Variants in USP15 observed in about 807,000 individuals in gnomAD.
The protein encoded by USP15 is ubiquitin carboxyl-terminal hydrolase 15.
A neutral mutation model predicts 127.1 loss-of-function variants in USP15; 18 were observed. The ratio of observed to expected loss-of-function variants is 0.14; its 90% CI spans 0.10 to 0.21. The LOEUF (loss-of-function observed/expected upper bound fraction) is 0.21. USP15 is among the 10% of genes least tolerant of loss of function. The pLI is 1.00. For missense variants in USP15, 805 were observed against 1,159.9 expected (o/e 0.69, Z 4.44); for synonymous variants, 364 against 393.7 (o/e 0.92, Z 0.89).
At chr12:62,330,304 TGGGGCTGG>T (rs2065251655) in intron 6 of USP15, among the ~76,000 whole-genome samples, 1 of 148,080 alleles carries the variant, frequency 6.8e-6, no homozygotes, top group South Asian at 2.2e-4. Context: ...AAAAAACAAA[TGGGGCTGG>T]GCACAGTGGC....
At chr12:62,329,799 G>A (rs1055412755) in intron 6 of USP15, among the ~76,000 whole-genome samples, 1 of 152,184 alleles carries the variant, frequency 6.6e-6, no homozygotes, top group African/African-American at 2.4e-5. Flanking sequence ...CAAGTATTGG[G>A]TATGGTGTAG....
At chr12:62,398,158 T>C (rs1198461382) in intron 20 of USP15, among the ~76,000 whole-genome samples, 1 of 151,646 alleles carries the variant, frequency 6.6e-6, no homozygotes, top group Non-Finnish European at 1.5e-5. Context: ...ACCCAGCTAA[T>C]TTTTTTGTAT....
intron 8 of USP15, 71 bp from the exon 9 acceptor site, chr12:62,381,419 T>C: frequency 7.5e-7 from 1 of 1,325,196 alleles, no homozygotes; most frequent in Non-Finnish European, 1.0e-6. Context: ...GTTTCTCTCT[T>C]CATATTAATG....
intron 4 of USP15, among the ~76,000 whole-genome samples, chr12:62,319,551 CT>C (rs1411549622): frequency 6.6e-6 from 1 of 152,124 alleles, no homozygotes; most frequent in African/African-American, 2.4e-5. Context: ...CCTTTATAGT[CT>C]CATTTCTACC....
At chr12:62,377,994 G>A (rs886141450) in intron 8 of USP15, among the ~76,000 whole-genome samples, 5 of 152,004 alleles carry the variant, frequency 3.3e-5, no homozygotes, top group South Asian at 2.1e-4. Flanking sequence ...ATCACCTGAG[G>A]TCAGGAGTTT....
intron 8 of USP15, among the ~76,000 whole-genome samples, chr12:62,376,738 C>G (rs565345968): frequency 9.2e-4 from 140 of 152,136 alleles, no homozygotes; most frequent in Non-Finnish European, 1.2e-3. Flanking sequence ...AAGTTTTGTC[C>G]TGTTTAACAG....
At chr12:62,291,987 G>A (rs578004520) in intron 1 of USP15, among the ~76,000 whole-genome samples, 1 of 152,306 alleles carries the variant, frequency 6.6e-6, no homozygotes, top group Admixed American at 6.5e-5. Flanking sequence ...CAGCTTCAGT[G>A]GTAACAGTGG....
chr12:62,321,750 G>GT, intron 5 of USP15, 141 bp downstream of exon 5: 1 of 575,118 alleles, frequency 1.7e-6, no homozygotes. Flanking sequence ...TTTCCTTGCT[G>GT]GTTACTGACT....
chr12:62,410,631 AC>A lies in USP15; in HGVS notation c.*6257del, dbSNP rs1355061586. ...ATATGGTAGGAAACATTCTACACTT[AC>A]AACAACTTCCACCATAGCTAGCTCC... On this transcript the variant is annotated 3_prime_UTR_variant, in exon 22 of 22. Transcript: ENST00000280377. The A allele has an allele frequency of 6.6e-6, 1 of 152,278 alleles. No individual in the cohort carries two copies. The highest frequency in any genetic ancestry group is 1.9e-4 in the East Asian group (1 of 5,176). 9.4% of individuals were successfully genotyped at this position (152,278 alleles called of 1,614,324 possible). A position where few individuals can be genotyped will look rare whatever the true frequency, so the allele number is the denominator to read the frequency against.
chr12:62,404,562 A>G lies in USP15; in HGVS notation c.*187A>G. On this transcript the variant is annotated 3_prime_UTR_variant, in exon 22 of 22. Coordinates refer to ENST00000280377, the MANE Select transcript of USP15 (RefSeq NM_001252078.2). Reference sequence around the variant, plus strand: ...AAACACAATGAAAACTTTAACAGAAATTGTCTCTTAATACATTTACAGTCT... The same window carrying G: ...AAACACAATGAAAACTTTAACAGAAGTTGTCTCTTAATACATTTACAGTCT... 1.4e-6 allele frequency: 1 copy of G among 713,780 alleles called. No individual in the cohort carries two copies. The allele number at this position is 713,780 out of a possible 1,614,324, so 44.2% of individuals were successfully genotyped here.
chr12:62,321,561 G>C lies in USP15; in HGVS notation c.573G>C (p.Leu191=). ...NKYMSNTFEP[L]NKPDSTIQDA... Reference sequence around the variant, plus strand: ...ACATGAGTAACACATTTGAACCACTGAATAAACCAGACAGCACCATTCAGG... The same window carrying C: ...ACATGAGTAACACATTTGAACCACTCAATAAACCAGACAGCACCATTCAGG... Residue 191 remains leucine (L), a synonymous_variant, in exon 5 of 22, where the codon CTG becomes CTC. Transcript: ENST00000280377. 3 of 1,609,882 alleles carry C rather than the reference G, an allele frequency of 1.9e-6. No individual in the cohort carries two copies. The highest frequency in any genetic ancestry group is 2.5e-6 in the Non-Finnish European group (3 of 1,177,922).
chr12:62,340,186 G>A (rs564347250), intron 6 of USP15, among the ~76,000 whole-genome samples: 1 of 152,154 alleles, frequency 6.6e-6, no homozygotes, highest in African/African-American at 2.4e-5. Context: ...GGTGTTTATA[G>A]TACTCTCTGA....
At chr12:62,275,050 G>T (rs1260001081) in intron 1 of USP15, among the ~76,000 whole-genome samples, 3 of 152,118 alleles carry the variant, frequency 2.0e-5, no homozygotes, top group Non-Finnish European at 4.4e-5. Context: ...TTGGTTAATG[G>T]ATGTTATGGA....
Position 62,411,001 on chromosome 12 carries a change from A to G in USP15, c.*6626A>G, listed in dbSNP as rs1002723966. The G allele has an allele frequency of 2.6e-5, 4 of 152,186 alleles. No homozygotes were observed. The highest frequency in any genetic ancestry group is 7.2e-5 in the African/African-American group (3 of 41,432). The allele number at this position is 152,186 out of a possible 1,614,324, so 9.4% of individuals were successfully genotyped here. A position where few individuals can be genotyped will look rare whatever the true frequency, so the allele number is the denominator to read the frequency against. The stretch of plus-strand genomic sequence containing the variant: ...ATCCTCAACAGGCACCTTGGTTGCA[A>G]CACCATGAAAGACCTTGATCCAGAG... On this transcript the variant is annotated 3_prime_UTR_variant, in exon 22 of 22. Transcript: ENST00000280377.
At chr12:62,282,744 CA>C (rs2063689166) in intron 1 of USP15, among the ~76,000 whole-genome samples, 1 of 152,066 alleles carries the variant, frequency 6.6e-6, no homozygotes, top group Non-Finnish European at 1.5e-5. Context: ...ACCCAAAATG[CA>C]AGAGTAGTGA....
At chr12:62,378,512 A>T (rs1010420281) in intron 8 of USP15, among the ~76,000 whole-genome samples, 2 of 152,212 alleles carry the variant, frequency 1.3e-5, no homozygotes, top group Non-Finnish European at 2.9e-5. Context: ...CAGATAACAC[A>T]GGCAAATTAT....
chr12:62,396,939 G>A (rs964152870), intron 20 of USP15, among the ~76,000 whole-genome samples: 3 of 152,044 alleles, frequency 2.0e-5, no homozygotes, highest in East Asian at 1.9e-4. Context: ...TTATGGTATC[G>A]TATGTAAGAA....
intron 8 of USP15, among the ~76,000 whole-genome samples, chr12:62,368,711 G>A (rs1258367027): frequency 6.6e-6 from 1 of 152,116 alleles, no homozygotes; most frequent in Non-Finnish European, 1.5e-5. Flanking sequence ...CTTTGCACAT[G>A]AGATGGGTCT....
chr12:62,289,781 G>A (rs897058672), intron 1 of USP15, among the ~76,000 whole-genome samples: 1 of 149,964 alleles, frequency 6.7e-6, no homozygotes, highest in Admixed American at 6.7e-5. Context: ...TGCTTTTGCT[G>A]TATCCCAGAG....
Sources: allele counts gnomAD v4.1 joint callset (sites outside exome capture counted in the v4.1 genomes callset), GRCh38; gene constraint gnomAD v4.1.1; transcripts MANE v1.5; gene names NCBI Gene and HGNC (gene_info 2026-07-23, HGNC 2026-07-21).